Variants in DPP10 observed in about 807,000 individuals in gnomAD.
DPP10 encodes inactive dipeptidyl peptidase 10.
A neutral mutation model predicts 120.9 loss-of-function variants in DPP10; 33 were observed. The observed-to-expected ratio is 0.27, with a 90% CI of 0.21 to 0.37. DPP10 has a LOEUF of 0.37. Among genes scored for constraint, DPP10 ranks in the 10% least tolerant of loss-of-function variants. The probability of loss-of-function intolerance (pLI) is 1.00; values close to 1 mark genes in which losing one functional copy is unlikely to be tolerated. For synonymous variants in DPP10, 337 were observed against 326.1 expected, an observed-to-expected ratio of 1.03 and a Z score of -0.36; for missense variants, 816 against 942.8, an observed-to-expected ratio of 0.87 and a Z score of 1.76.
At chr2:114,984,873 G>A (rs769097552) in intron 1 of DPP10, among the ~76,000 whole-genome samples, 1 of 152,118 alleles carries the variant, frequency 6.6e-6, no homozygotes, top group Non-Finnish European at 1.5e-5. Flanking sequence ...CTTCCCAAGA[G>A]CTCAGCCTTG....
intron 5 of DPP10, among the ~76,000 whole-genome samples, chr2:115,554,502 T>C (rs558999755): frequency 6.6e-6 from 1 of 152,186 alleles, no homozygotes; most frequent in East Asian, 1.9e-4. Context: ...ATCAAATGCA[T>C]TCATTAAATC....
chr2:114,904,753 A>G (rs912673847), intron 1 of DPP10, among the ~76,000 whole-genome samples: 2 of 152,220 alleles, frequency 1.3e-5, no homozygotes, highest in African/African-American at 4.8e-5. Flanking sequence ...GGATGAGTAG[A>G]TAGAACAATT....
intron 1 of DPP10, among the ~76,000 whole-genome samples, chr2:114,836,449 G>A (rs900563778): frequency 3.9e-5 from 6 of 152,088 alleles, no homozygotes; most frequent in South Asian, 2.1e-4. Context: ...CCCACAAGCC[G>A]CAAAACCAGC....
intron 5 of DPP10, chr2:115,580,089 T>C (rs1479836623): frequency 1.3e-5 from 2 of 152,216 alleles, no homozygotes; most frequent in African/African-American, 4.8e-5. Flanking sequence ...TTTCTGTTTC[T>C]GCCTTAGTTT....
At chr2:115,320,565 A>G (rs543059635) in intron 2 of DPP10, among the ~76,000 whole-genome samples, 7 of 152,080 alleles carry the variant, frequency 4.6e-5, no homozygotes, top group Admixed American at 2.0e-4. Flanking sequence ...AGTTTGAACT[A>G]ATTTTATCTT....
intron 1 of DPP10, among the ~76,000 whole-genome samples, chr2:114,496,735 A>G (rs1290344230): frequency 4.6e-5 from 7 of 152,056 alleles, no homozygotes; most frequent in Non-Finnish European, 8.8e-5. Flanking sequence ...CACCACTTCA[A>G]CTATCTATGA....
chr2:115,550,048 A>C (rs1053536037), intron 5 of DPP10, among the ~76,000 whole-genome samples: 2 of 152,218 alleles, frequency 1.3e-5, no homozygotes, highest in South Asian at 4.1e-4. Flanking sequence ...AATTAATTCC[A>C]CTCAAATCAT....
intron 13 of DPP10, among the ~76,000 whole-genome samples, chr2:115,771,370 G>A (rs1253602840): frequency 5.3e-5 from 8 of 151,944 alleles, no homozygotes; most frequent in African/African-American, 9.7e-5. Flanking sequence ...CACCACGCCC[G>A]GCCTGTACTG....
At chr2:115,258,117 G>A (rs2059087920) in intron 1 of DPP10, among the ~76,000 whole-genome samples, 1 of 152,126 alleles carries the variant, frequency 6.6e-6, no homozygotes, top group Non-Finnish European at 1.5e-5. Flanking sequence ...AAAGCATCAA[G>A]GAAACAAACA....
Position 115,113,449 on chromosome 2 carries a change from A to G in DPP10, c.61-195790A>G, listed in dbSNP as rs373669353. On this transcript the variant is annotated intron_variant, in intron 1 of 25. Transcript: ENST00000410059. ...ACACGTTTTTTGCTCTTTTTTGCCC[A>G]TAAGAATCCTCCTCCCCAGTCCCAC... is the stretch of plus-strand genomic sequence containing the variant. 1.9e-3 allele frequency among the ~76,000 whole-genome samples: 287 copies of G among 152,108 alleles called. 2 individuals are homozygous for G. The highest frequency in any genetic ancestry group is 6.5e-3 in the African/African-American group (269 of 41,516).
intron 9 of DPP10, 82 bp from the exon 10 acceptor site, chr2:115,746,004 A>G: frequency 9.8e-7 from 1 of 1,021,112 alleles, no homozygotes; most frequent in Non-Finnish European, 1.4e-6. Context: ...AAAACAGTAA[A>G]TGAATCAAAA....
intron 3 of DPP10, among the ~76,000 whole-genome samples, chr2:115,382,430 G>A (rs937038492): frequency 2.4e-4 from 36 of 152,280 alleles, no homozygotes; most frequent in African/African-American, 6.3e-4. Context: ...CGCACAGTGC[G>A]CGCACCCACT....
intron 1 of DPP10, among the ~76,000 whole-genome samples, chr2:114,583,718 A>G (rs779022427): frequency 3.3e-5 from 5 of 152,250 alleles, no homozygotes; most frequent in Non-Finnish European, 5.9e-5. Context: ...GCACTAAAAG[A>G]GAGAAATACC....
At chr2:115,385,560 T>C (rs1235860986) in intron 3 of DPP10, among the ~76,000 whole-genome samples, 1 of 152,060 alleles carries the variant, frequency 6.6e-6, no homozygotes, top group Non-Finnish European at 1.5e-5. Flanking sequence ...TTTTACCATG[T>C]TGGCCAGGCT....
chr2:114,506,424 G>A (rs1230634028), intron 1 of DPP10, among the ~76,000 whole-genome samples: 2 of 152,098 alleles, frequency 1.3e-5, no homozygotes, highest in Non-Finnish European at 1.5e-5. Context: ...ATTTGTTCCT[G>A]TGACCTTATT....
At chr2:115,841,565 A>G (rs1216686363) in intron 25 of DPP10, among the ~76,000 whole-genome samples, 1 of 152,224 alleles carries the variant, frequency 6.6e-6, no homozygotes, top group Non-Finnish European at 1.5e-5. Flanking sequence ...ATGAAGCTAT[A>G]CAGATAAACA....
chr2:114,523,046 C>G (rs1008457775), intron 1 of DPP10, among the ~76,000 whole-genome samples: 2 of 152,126 alleles, frequency 1.3e-5, no homozygotes, highest in African/African-American at 4.8e-5. Context: ...TAGGTTCTCT[C>G]GAAACAGATC....
chr2:114,502,251 C>A (rs1395726812), intron 1 of DPP10, among the ~76,000 whole-genome samples: 4 of 152,082 alleles, frequency 2.6e-5, no homozygotes, highest in African/African-American at 4.8e-5. Flanking sequence ...CTGCACCCAG[C>A]CAAAAGACTG....
chr2:114,752,517 C>T (rs1574106055), intron 1 of DPP10, among the ~76,000 whole-genome samples: 1 of 152,288 alleles, frequency 6.6e-6, no homozygotes, highest in Non-Finnish European at 1.5e-5. Flanking sequence ...ACTAAGGCTC[C>T]TGCCTATAGC....
Sources: gnomAD v4.1 joint callset for allele counts (sites outside exome capture counted in the v4.1 genomes callset) on GRCh38, gnomAD v4.1.1 for gene constraint, MANE v1.5 for transcripts, NCBI Gene and HGNC (gene_info 2026-07-23, HGNC 2026-07-21) for gene names.